The following ZNF827 variants were observed in gnomAD, a reference collection of about 807,000 sequenced individuals.
ZNF827 encodes zinc finger protein 827.
Under a neutral mutation model 102.4 loss-of-function variants are expected in ZNF827, and 13 were observed. That is an observed-to-expected ratio of 0.13 (90% CI 0.08 to 0.20). ZNF827 has a LOEUF of 0.20. ZNF827 is among the 10% of genes least tolerant of loss of function. The pLI is 1.00. For missense variants in ZNF827, 1,103 were observed against 1,344.4 expected, an observed-to-expected ratio of 0.82 and a Z score of 2.81; for synonymous variants, 523 against 536.2, an observed-to-expected ratio of 0.98 and a Z score of 0.34.
chr4:145,759,325 A>G lies in ZNF827; in HGVS notation c.*2291T>C, dbSNP rs1165217520. The G allele has an allele frequency of 6.6e-6, 1 of 152,192 alleles. No homozygotes were observed. The highest frequency in any genetic ancestry group is 1.5e-5 in the Non-Finnish European group (1 of 68,044). The allele number at this position is 152,192 out of a possible 1,614,324, so 9.4% of individuals were successfully genotyped here. A position where few individuals can be genotyped will look rare whatever the true frequency, so the allele number is the denominator to read the frequency against. Reference sequence around the variant, plus strand: ...TCACCCATTACTTTTTAAGATTAGCAAAGAGCTTTACAACCAACCCACACC... The same window carrying G: ...TCACCCATTACTTTTTAAGATTAGCGAAGAGCTTTACAACCAACCCACACC... On this transcript the variant is annotated 3_prime_UTR_variant, in exon 15 of 15. Coordinates refer to ENST00000508784, the MANE Select transcript of ZNF827 (RefSeq NM_001306215.2).
At chr4:145,857,457 C>G (rs1747262875) in intron 5 of ZNF827, among the ~76,000 whole-genome samples, 3 of 152,130 alleles carry the variant, frequency 2.0e-5, no homozygotes, top group African/African-American at 7.2e-5. Flanking sequence ...GTCCTCTACA[C>G]CAGTTATCAA....
chr4:145,862,521 G>GAT (rs138780520), intron 5 of ZNF827, among the ~76,000 whole-genome samples: 166 of 150,032 alleles, frequency 1.1e-3, no homozygotes, highest in East Asian at 9.5e-3. Flanking sequence ...CCAGCCATGG[G>GAT]ATATATATAT....
At chr4:145,874,098 G>A (rs374413485) in intron 4 of ZNF827, among the ~76,000 whole-genome samples, 1 of 151,992 alleles carries the variant, frequency 6.6e-6, no homozygotes, top group East Asian at 1.9e-4. Flanking sequence ...TCCTGCACAT[G>A]TAAGTGGTTT....
At chr4:145,910,294 G>A (rs529535313) in intron 1 of ZNF827, among the ~76,000 whole-genome samples, 2 of 152,292 alleles carry the variant, frequency 1.3e-5, no homozygotes, top group African/African-American at 4.8e-5. Flanking sequence ...AGCTAAGTCA[G>A]TTTCAGTATT....
chr4:145,862,003 G>T (rs1452091649), intron 5 of ZNF827, among the ~76,000 whole-genome samples: 1 of 152,218 alleles, frequency 6.6e-6, no homozygotes, highest in Non-Finnish European at 1.5e-5. Context: ...GAAGCTTGAG[G>T]GCTAAAAAGG....
chr4:145,892,071 T>C (rs1170955911), intron 3 of ZNF827, among the ~76,000 whole-genome samples, 172 bp downstream of exon 3: 1 of 152,216 alleles, frequency 6.6e-6, no homozygotes, highest in African/African-American at 2.4e-5. Flanking sequence ...GGCTGCAAAG[T>C]GGACATTAAC....
intron 8 of ZNF827, among the ~76,000 whole-genome samples, chr4:145,783,700 C>T (rs1273338736): frequency 6.6e-6 from 1 of 152,336 alleles, no homozygotes; most frequent in African/African-American, 2.4e-5. Context: ...GTATTGACCC[C>T]TTCTCTTTTC....
At chr4:145,889,985 A>T (rs75934000) in intron 3 of ZNF827, among the ~76,000 whole-genome samples, 3 of 144,040 alleles carry the variant, frequency 2.1e-5, no homozygotes, top group African/African-American at 7.6e-5. Flanking sequence ...TCAAAAATTA[A>T]AAAAAAAAAA....
At chr4:145,836,261 A>AAC (rs1329830392) in intron 7 of ZNF827, among the ~76,000 whole-genome samples, 1 of 31,392 alleles carries the variant, frequency 3.2e-5, no homozygotes, top group East Asian at 2.0e-3. Flanking sequence ...CCTTCTACAA[A>AAC]ACAACTCCTT....
chr4:145,794,054 T>G (rs1175220190), intron 8 of ZNF827, among the ~76,000 whole-genome samples: 1 of 152,174 alleles, frequency 6.6e-6, no homozygotes, highest in Non-Finnish European at 1.5e-5. Context: ...TTTGCAGAAC[T>G]AATCGGTCTT....
At chr4:145,910,322 A>G in intron 1 of ZNF827, among the ~76,000 whole-genome samples, 1 of 152,192 alleles carries the variant, frequency 6.6e-6, no homozygotes, top group East Asian at 1.9e-4. Flanking sequence ...TAAAGTGCTT[A>G]GCCAGACCTT....
At chr4:145,875,655 C>T (rs548829609) in intron 4 of ZNF827, among the ~76,000 whole-genome samples, 12 of 152,164 alleles carry the variant, frequency 7.9e-5, no homozygotes, top group Non-Finnish European at 1.5e-4. Flanking sequence ...GAAAATGACA[C>T]CTTTTCTTGA....
chr4:145,922,391 G>C (rs1489973512), intron 1 of ZNF827, among the ~76,000 whole-genome samples: 1 of 152,070 alleles, frequency 6.6e-6, no homozygotes, highest in Non-Finnish European at 1.5e-5. Flanking sequence ...AGCAATGACG[G>C]GTAAAACTAT....
intron 2 of ZNF827, among the ~76,000 whole-genome samples, chr4:145,901,852 C>G (rs1751440089): frequency 1.3e-5 from 2 of 151,930 alleles, no homozygotes; most frequent in African/African-American, 4.8e-5. Flanking sequence ...GATCTTCTCC[C>G]ATTAAATATA....
chr4:145,933,746 G>A (rs1046761837), intron 1 of ZNF827, among the ~76,000 whole-genome samples: 6 of 150,158 alleles, frequency 4.0e-5, no homozygotes, highest in Non-Finnish European at 5.9e-5. Flanking sequence ...ATATTTATGT[G>A]TAAGCTGAAG....
At chr4:145,853,313 C>T (rs1307431264) in intron 5 of ZNF827, among the ~76,000 whole-genome samples, 1 of 152,206 alleles carries the variant, frequency 6.6e-6, no homozygotes, top group Non-Finnish European at 1.5e-5. Flanking sequence ...TACCCAGGGA[C>T]ATGTCTACAC....
At chr4:145,779,870 T>C (rs1383032705) in intron 8 of ZNF827, among the ~76,000 whole-genome samples, 1 of 152,224 alleles carries the variant, frequency 6.6e-6, no homozygotes, top group Non-Finnish European at 1.5e-5. Context: ...ATTCCAGAAA[T>C]GTAGGCTCTT....
chr4:145,766,760 A>T (rs1735366593), intron 11 of ZNF827, among the ~76,000 whole-genome samples: 1 of 152,226 alleles, frequency 6.6e-6, no homozygotes, highest in African/African-American at 2.4e-5. Flanking sequence ...CCCGGCACTT[A>T]GAGAGGGCTA....
At chr4:145,926,034 C>T (rs956047653) in intron 1 of ZNF827, among the ~76,000 whole-genome samples, 3 of 152,176 alleles carry the variant, frequency 2.0e-5, no homozygotes, top group African/African-American at 7.2e-5. Flanking sequence ...AAATACTTTT[C>T]AAGCTGAATT....
Sources: allele counts gnomAD v4.1 joint callset (sites outside exome capture counted in the v4.1 genomes callset), GRCh38; gene constraint gnomAD v4.1.1; transcripts MANE v1.5; gene names NCBI Gene and HGNC (gene_info 2026-07-23, HGNC 2026-07-21).